Variants in DIP2B observed in about 807,000 individuals in gnomAD.
The protein encoded by DIP2B is disco-interacting protein 2 homolog B.
Under a neutral mutation model 198.0 loss-of-function variants are expected in DIP2B, and 76 were observed. The ratio of observed to expected loss-of-function variants is 0.38; its 90% CI spans 0.32 to 0.46. The LOEUF (loss-of-function observed/expected upper bound fraction) is 0.46, where lower values mean the gene tolerates loss of function less well. Among genes scored for constraint, DIP2B ranks in the 20% least tolerant of loss-of-function variants. The pLI is 0.99. For synonymous variants in DIP2B, 701 were observed against 739.1 expected (o/e 0.95, Z 0.84); for missense variants, 1,559 against 1,978.4 (o/e 0.79, Z 4.02).
chr12:50,705,911 T>A (rs1939505124), intron 20 of DIP2B, among the ~76,000 whole-genome samples: 1 of 152,246 alleles, frequency 6.6e-6, no homozygotes, highest in Non-Finnish European at 1.5e-5. Flanking sequence ...CTGTAATGAA[T>A]GAGAAAAGTT....
At chr12:50,525,636 C>A (rs2139357531) in intron 1 of DIP2B, among the ~76,000 whole-genome samples, 1 of 151,922 alleles carries the variant, frequency 6.6e-6, no homozygotes. Flanking sequence ...CCTCAGCCTC[C>A]CTAGTAGCTG....
intron 4 of DIP2B, among the ~76,000 whole-genome samples, chr12:50,667,091 A>T (rs1401116812): frequency 6.6e-6 from 1 of 151,950 alleles, no homozygotes; most frequent in African/African-American, 2.4e-5. Flanking sequence ...CTGGTCTCAA[A>T]CTCCTGAGCT....
chr12:50,607,857 G>A lies in DIP2B; in HGVS notation c.101-18119G>A, dbSNP rs560695489. 9.9e-4 allele frequency among the ~76,000 whole-genome samples: 151 copies of A among 152,290 alleles called. 2 individuals are homozygous for A. Among genetic ancestry groups the A allele is most frequent in the African/African-American group, 3.6e-3 (149 of 41,566 alleles). On this transcript the variant is annotated intron_variant, in intron 1 of 37. Coordinates refer to ENST00000301180, the MANE Select transcript of DIP2B (RefSeq NM_173602.3). Reference sequence around the variant, plus strand: ...CACCCAGGCTGGAGTGCAGTGGCACGATCTCGGCTCACTGCAACCTCTGCC... The same window carrying A: ...CACCCAGGCTGGAGTGCAGTGGCACAATCTCGGCTCACTGCAACCTCTGCC...
intron 1 of DIP2B, among the ~76,000 whole-genome samples, chr12:50,508,373 T>C (rs577223650): frequency 6.6e-6 from 1 of 152,378 alleles, no homozygotes; most frequent in African/African-American, 2.4e-5. Context: ...TCTAGTCAAG[T>C]GTATGTACAT....
At chr12:50,532,895 A>C (rs911927502) in intron 1 of DIP2B, among the ~76,000 whole-genome samples, 1 of 152,220 alleles carries the variant, frequency 6.6e-6, no homozygotes, top group East Asian at 1.9e-4. Context: ...TTAAGCCTTG[A>C]GTGAATTAGA....
intron 2 of DIP2B, among the ~76,000 whole-genome samples, chr12:50,632,591 C>T (rs1938080455): frequency 6.6e-6 from 1 of 150,810 alleles, no homozygotes; most frequent in South Asian, 2.1e-4. Flanking sequence ...GGCTGGAGTG[C>T]AGTGGCGTGA....
At chr12:50,718,079 T>C (rs564501444) in intron 23 of DIP2B, among the ~76,000 whole-genome samples, 337 of 151,256 alleles carry the variant, frequency 2.2e-3, no homozygotes, top group Non-Finnish European at 2.4e-3. Flanking sequence ...TTTGTATTTT[T>C]AGTAGAGAAG....
intron 1 of DIP2B, among the ~76,000 whole-genome samples, chr12:50,588,375 C>G (rs1958788744): frequency 6.6e-6 from 1 of 152,054 alleles, no homozygotes; most frequent in Admixed American, 6.6e-5. Context: ...GTCTTGAACT[C>G]CTCATCTCAG....
At chr12:50,561,027 A>G (rs1349986315) in intron 1 of DIP2B, among the ~76,000 whole-genome samples, 3 of 152,214 alleles carry the variant, frequency 2.0e-5, no homozygotes, top group African/African-American at 4.8e-5. Flanking sequence ...ATAGCAACCT[A>G]TATAAGAGTG....
rs1958438743 is a variant in DIP2B at position 50,552,876 on chromosome 12, T to A, written c.100+47636T>A. On this transcript the variant is annotated intron_variant, in intron 1 of 37. Coordinates refer to ENST00000301180, the MANE Select transcript of DIP2B (RefSeq NM_173602.3). ...AGTTATTTTATTTATTTATTTATTTTTTCCCAGAGTCTTCAGTGGTGCAAT... is the reference window on the plus strand; with the variant it reads ...AGTTATTTTATTTATTTATTTATTTATTCCCAGAGTCTTCAGTGGTGCAAT... Among the ~76,000 whole-genome samples, 2 of 152,160 alleles carry A rather than the reference T, an allele frequency of 1.3e-5. 1 individual carries two copies. Among genetic ancestry groups the A allele is most frequent in the South Asian group, 4.1e-4 (2 of 4,828 alleles).
At chr12:50,520,495 C>T (rs576492456) in intron 1 of DIP2B, among the ~76,000 whole-genome samples, 6 of 152,260 alleles carry the variant, frequency 3.9e-5, no homozygotes, top group Non-Finnish European at 7.4e-5. Flanking sequence ...TTTGGAGAAA[C>T]TTTCATTTTT....
chr12:50,698,379 T>C lies in DIP2B; in HGVS notation c.2100T>C (p.Asn700=), dbSNP rs1939356225. Residue 700 remains asparagine, a synonymous_variant, in exon 18 of 38, where the codon AAT becomes AAC. Transcript: ENST00000301180. Reference sequence around the variant, plus strand: ...CAGGAAGAGCCATTCTCTCAATGAATGGATTGAGCTATGGGGTAATACGGG... The same window carrying C: ...CAGGAAGAGCCATTCTCTCAATGAACGGATTGAGCTATGGGGTAATACGGG... The part of the protein sequence containing the change: ...PLPGRAILSM[N]GLSYGVIRVN... The C allele has an allele frequency of 6.2e-7, 1 of 1,613,840 alleles. No individual in the cohort carries two copies.
intron 3 of DIP2B, 138 bp downstream of exon 3, chr12:50,640,990 C>G (rs200588672): frequency 1.8e-6 from 2 of 1,112,492 alleles, no homozygotes; most frequent in East Asian, 5.5e-5. Context: ...ATTCACCAAT[C>G]ATTTATTTTG....
chr12:50,739,494 G>C lies in DIP2B; in HGVS notation c.4262G>C (p.Arg1421Pro). ...CTTCAAGCTGATCATTTCAACACTC[G>C]CCTCAGCTTTGGAGATGCAGCTCAG... ...ETLQADHFNT[R>P]LSFGDAAQTL... Residue 1421 changes from arginine (R) to proline (P), a missense_variant, in exon 36 of 38, where the codon CGC becomes CCC. Arg to Pro is a moderately radical substitution (Grantham distance 103, BLOSUM62 -2). Transcript: ENST00000301180. The C allele has an allele frequency of 1.9e-6, 3 of 1,614,106 alleles. No individual in the cohort carries two copies. Among genetic ancestry groups the C allele is most frequent in the Non-Finnish European group, 2.5e-6 (3 of 1,180,010 alleles).
chr12:50,665,807 A>G (rs1043414345), intron 4 of DIP2B, among the ~76,000 whole-genome samples: 1 of 152,022 alleles, frequency 6.6e-6, no homozygotes, highest in East Asian at 1.9e-4. Flanking sequence ...TCTTTCCCTA[A>G]TAGATACTCA....
chr12:50,515,620 C>T (rs1416186786), intron 1 of DIP2B, among the ~76,000 whole-genome samples: 1 of 152,162 alleles, frequency 6.6e-6, no homozygotes, highest in African/African-American at 2.4e-5. Context: ...CTCGTGCTCT[C>T]TCTGGGGTTT....
rs138429061 is a variant in DIP2B, at chr12:50,695,354, C to T, written c.1807C>T (p.His603Tyr). The change falls in exon 15 of 38, where the codon CAC (histidine) becomes TAC (tyrosine). Residue 603 changes from histidine (H) to tyrosine (Y), a missense_variant. Physicochemically the swap from His to Tyr is moderately conservative, Grantham distance 83. Transcript: ENST00000301180. ...CTCTTGGGTCCAAAGAGTACATGCTCACAAAGGTAGTCACCTGCAACATCT... is the reference window on the plus strand; with the variant it reads ...CTCTTGGGTCCAAAGAGTACATGCTTACAAAGGTAGTCACCTGCAACATCT... ...PLSWVQRVHA[H>Y]KAKVALVKCR... The T allele has an allele frequency of 3.2e-5, 52 of 1,613,246 alleles. No individual in the cohort carries two copies. The East Asian group carries it at 3.8e-4, about 12-fold the overall frequency.
intron 1 of DIP2B, among the ~76,000 whole-genome samples, chr12:50,540,261 C>T (rs991985732): frequency 1.3e-5 from 2 of 150,808 alleles, no homozygotes; most frequent in South Asian, 4.2e-4. Context: ...GTGCCCACCA[C>T]CACACCAGGC....
Position 50,722,339 on chromosome 12 carries a change from C to T in DIP2B, c.3167-863C>T, listed in dbSNP as rs186469121. Among the ~76,000 whole-genome samples the T allele has an allele frequency of 5.9e-5, 9 of 151,604 alleles. No homozygotes were observed. The East Asian group carries it at 7.7e-4, about 13-fold the overall frequency. ...TTGCTCTGCCACCCACTGCAACCTC[C>T]GCCTCCCTGGTTCCAGTGATTCTCC... On this transcript the variant is annotated intron_variant, in intron 26 of 37. Coordinates refer to ENST00000301180, the MANE Select transcript of DIP2B (RefSeq NM_173602.3).
Sources: allele counts gnomAD v4.1 joint callset (sites outside exome capture counted in the v4.1 genomes callset), GRCh38; gene constraint gnomAD v4.1.1; transcripts MANE v1.5; gene names NCBI Gene and HGNC (gene_info 2026-07-23, HGNC 2026-07-21).